The following WWOX variants were observed in gnomAD, a reference collection of about 807,000 sequenced individuals.
The protein encoded by WWOX is WW domain-containing oxidoreductase.
In WWOX, 69 loss-of-function variants were observed where a neutral mutation model predicts 46.2. The observed-to-expected ratio is 1.49, with a 90% CI of 1.23 to 1.82. The LOEUF (loss-of-function observed/expected upper bound fraction) is 1.82. Among genes scored for constraint, WWOX ranks in the 40% most tolerant of loss-of-function variants. WWOX has a pLI of 0.00. For missense variants in WWOX, 919 were observed against 542.6 expected (o/e 1.69, Z -6.89); for synonymous variants, 359 against 202.6 (o/e 1.77, Z -6.56).
intron 8 of WWOX, among the ~76,000 whole-genome samples, chr16:78,597,545 C>G (rs1816616336): frequency 6.6e-6 from 1 of 152,136 alleles, no homozygotes; most frequent in Non-Finnish European, 1.5e-5. Context: ...TACTGGTGAC[C>G]TGTTTTAAGA....
intron 8 of WWOX, among the ~76,000 whole-genome samples, chr16:78,730,598 C>T (rs1035460302): frequency 6.7e-6 from 1 of 148,964 alleles, no homozygotes; most frequent in Non-Finnish European, 1.5e-5. Context: ...ACCACAGGTG[C>T]ATGCCACCAC....
chr16:78,843,011 A>C (rs1319241131), intron 8 of WWOX, among the ~76,000 whole-genome samples: 1 of 150,062 alleles, frequency 6.7e-6, no homozygotes, highest in Non-Finnish European at 1.5e-5. Context: ...ATGTTTGTTA[A>C]CAGGGCTGGC....
At chr16:79,072,311 A>G (rs1336141563) in intron 8 of WWOX, among the ~76,000 whole-genome samples, 2 of 152,078 alleles carry the variant, frequency 1.3e-5, no homozygotes, top group African/African-American at 4.8e-5. Flanking sequence ...AGAAAACAGT[A>G]TTCCTATCAT....
At chr16:78,364,686 T>C (rs2151916043) in intron 5 of WWOX, among the ~76,000 whole-genome samples, 1 of 152,186 alleles carries the variant, frequency 6.6e-6, no homozygotes, top group South Asian at 2.1e-4. Context: ...ACATAATTTG[T>C]CACTTTGTAA....
chr16:79,124,791 C>G (rs2049715456), intron 8 of WWOX, among the ~76,000 whole-genome samples: 1 of 152,118 alleles, frequency 6.6e-6, no homozygotes, highest in African/African-American at 2.4e-5. Flanking sequence ...ATTTTGCAAG[C>G]TTTATAAAAG....
intron 8 of WWOX, among the ~76,000 whole-genome samples, chr16:79,194,270 T>A (rs889961446): frequency 1.3e-5 from 2 of 152,214 alleles, no homozygotes; most frequent in African/African-American, 2.4e-5. Context: ...TGGATTGATA[T>A]ATTTTTCCTT....
intron 8 of WWOX, among the ~76,000 whole-genome samples, chr16:78,464,751 G>C (rs191495688): frequency 2.0e-5 from 3 of 152,094 alleles, no homozygotes; most frequent in African/African-American, 7.2e-5. Context: ...GCCCCATTCA[G>C]TCTCCTTTTT....
intron 8 of WWOX, among the ~76,000 whole-genome samples, chr16:78,987,155 A>G (rs1044153967): frequency 6.6e-6 from 1 of 152,150 alleles, no homozygotes. Flanking sequence ...TAATTTTCAG[A>G]AGCACACGGG....
At chr16:78,251,960 A>AT (rs1184364987) in intron 5 of WWOX, among the ~76,000 whole-genome samples, 1 of 152,200 alleles carries the variant, frequency 6.6e-6, no homozygotes, top group African/African-American at 2.4e-5. Context: ...GTATTTGATT[A>AT]TTTTTTCAAC....
intron 8 of WWOX, among the ~76,000 whole-genome samples, chr16:78,808,959 C>G (rs899383647): frequency 3.3e-5 from 5 of 152,112 alleles, no homozygotes; most frequent in African/African-American, 1.2e-4. Flanking sequence ...TGCGCTTGAT[C>G]TAAATGTACT....
intron 5 of WWOX, among the ~76,000 whole-genome samples, chr16:78,384,586 G>A (rs2082021903): frequency 2.6e-5 from 4 of 152,158 alleles, no homozygotes; most frequent in South Asian, 2.1e-4. Context: ...GGGATGTGGC[G>A]TCACCTTATA....
chr16:78,660,351 A>G (rs942391901), intron 8 of WWOX, among the ~76,000 whole-genome samples: 3 of 152,208 alleles, frequency 2.0e-5, no homozygotes, highest in East Asian at 3.9e-4. Flanking sequence ...TTGAGGAGGT[A>G]TGTTGTGGGC....
chr16:79,211,821 A>G lies in WWOX; in HGVS notation c.*25A>G. ...AGTGGAGCTCAGAGCGGATGGGCAC[A>G]CACACCCGCCCTGTGTGTGTCCCCT... is the stretch of plus-strand genomic sequence containing the variant. On this transcript the variant is annotated 3_prime_UTR_variant, in exon 9 of 9. Coordinates refer to ENST00000566780, the MANE Select transcript of WWOX (RefSeq NM_016373.4). 6.2e-7 allele frequency: 1 copy of G among 1,613,590 alleles called. No homozygotes were observed. Among genetic ancestry groups the G allele is most frequent in the Non-Finnish European group, 8.5e-7 (1 of 1,179,918 alleles).
At chr16:79,170,519 A>G (rs1222401163) in intron 8 of WWOX, among the ~76,000 whole-genome samples, 1 of 152,194 alleles carries the variant, frequency 6.6e-6, no homozygotes, top group Non-Finnish European at 1.5e-5. Flanking sequence ...CATACCCTAA[A>G]TTATGCCAGA....
chr16:78,553,820 A>G (rs2044228377), intron 8 of WWOX, among the ~76,000 whole-genome samples: 1 of 151,910 alleles, frequency 6.6e-6, no homozygotes, highest in Admixed American at 6.6e-5. Flanking sequence ...TGGTGGCAGT[A>G]TTGGTGGTCA....
chr16:78,909,367 C>T (rs185261848), intron 8 of WWOX, among the ~76,000 whole-genome samples: 1 of 152,172 alleles, frequency 6.6e-6, no homozygotes, highest in Admixed American at 6.5e-5. Context: ...CTCATGTATT[C>T]TCTGTTCAGC....
chr16:78,662,245 G>T lies in WWOX; in HGVS notation c.1056+229493G>T, dbSNP rs1387547479. 2.0e-5 allele frequency among the ~76,000 whole-genome samples: 3 copies of T among 152,104 alleles called. No homozygotes were observed. In the East Asian group the frequency reaches 5.8e-4, roughly 29 times the overall value. On this transcript the variant is annotated intron_variant, in intron 8 of 8. Transcript: ENST00000566780. ...CCGAGGCCAGATCTTAGAACCTCCT[G>T]CTATCTGTACATAGAAGAATGTTTT...
At chr16:78,992,660 T>C (rs1176433406) in intron 8 of WWOX, among the ~76,000 whole-genome samples, 1 of 152,138 alleles carries the variant, frequency 6.6e-6, no homozygotes, top group African/African-American at 2.4e-5. Flanking sequence ...TTGTGGAAGT[T>C]GGCCCACAGA....
intron 8 of WWOX, among the ~76,000 whole-genome samples, chr16:78,665,449 C>A (rs971897398): frequency 6.6e-6 from 1 of 152,058 alleles, no homozygotes; most frequent in Admixed American, 6.6e-5. Context: ...CATGGGAAGG[C>A]CGTACTTTCC....
Sources: allele counts gnomAD v4.1 joint callset (sites outside exome capture counted in the v4.1 genomes callset), GRCh38; gene constraint gnomAD v4.1.1; transcripts MANE v1.5; gene names NCBI Gene and HGNC (gene_info 2026-07-23, HGNC 2026-07-21).